Variants in MDGA2 observed in about 807,000 individuals in gnomAD.
The protein encoded by MDGA2 is MAM domain-containing glycosylphosphatidylinositol anchor protein 2.
In MDGA2, 40 loss-of-function variants were observed where a neutral mutation model predicts 117.8. The ratio of observed to expected loss-of-function variants is 0.34; its 90% CI spans 0.26 to 0.44. The LOEUF is 0.44. Ranked by LOEUF, MDGA2 falls within the 20% of genes least tolerant of loss-of-function variation. MDGA2 has a pLI of 1.00. For synonymous variants in MDGA2, 452 were observed against 439.0 expected (o/e 1.03, Z -0.37); for missense variants, 1,123 against 1,250.6 (o/e 0.90, Z 1.54).
intron 1 of MDGA2, among the ~76,000 whole-genome samples, chr14:47,615,848 C>G (rs925535879): frequency 6.6e-6 from 1 of 152,082 alleles, no homozygotes; most frequent in Middle Eastern, 3.2e-3. Context: ...CTGATACTGA[C>G]CCCAGAACTG....
At chr14:47,377,709 A>G (rs910736199) in intron 1 of MDGA2, among the ~76,000 whole-genome samples, 4 of 152,136 alleles carry the variant, frequency 2.6e-5, no homozygotes, top group African/African-American at 7.2e-5. Flanking sequence ...AAACAAAGCA[A>G]CCAGGAAGCT....
intron 10 of MDGA2, among the ~76,000 whole-genome samples, chr14:46,889,371 T>C (rs1008508160): frequency 6.6e-6 from 1 of 152,068 alleles, no homozygotes; most frequent in Non-Finnish European, 1.5e-5. Flanking sequence ...TTTTTAGATA[T>C]CCAGAAATTT....
chr14:47,012,810 T>C (rs1303282696), intron 8 of MDGA2, among the ~76,000 whole-genome samples: 1 of 152,042 alleles, frequency 6.6e-6, no homozygotes, highest in Non-Finnish European at 1.5e-5. Flanking sequence ...AATAAGCAAA[T>C]ATTGCAGAAG....
At chr14:47,367,108 T>C (rs1891248017) in intron 1 of MDGA2, among the ~76,000 whole-genome samples, 1 of 152,100 alleles carries the variant, frequency 6.6e-6, no homozygotes, top group Non-Finnish European at 1.5e-5. Context: ...GGCAGAGTAA[T>C]GCAAATATAA....
intron 4 of MDGA2, among the ~76,000 whole-genome samples, chr14:47,142,638 GATC>G (rs1421669890): frequency 6.6e-6 from 1 of 152,094 alleles, no homozygotes; most frequent in African/African-American, 2.4e-5. Context: ...TGTAATAGAT[GATC>G]ATTTATCTGG....
chr14:47,571,763 C>CGGGG (rs1566521355), intron 1 of MDGA2, among the ~76,000 whole-genome samples: 6 of 140,998 alleles, frequency 4.3e-5, no homozygotes, highest in South Asian at 2.4e-4. Context: ...GGGGGGCGGT[C>CGGGG]GGGGGATAGG....
At chr14:47,529,713 A>G (rs1232249347) in intron 1 of MDGA2, among the ~76,000 whole-genome samples, 1 of 152,218 alleles carries the variant, frequency 6.6e-6, no homozygotes, top group Non-Finnish European at 1.5e-5. Context: ...GAGAATGGTC[A>G]GCTAGAACTA....
chr14:46,882,527 ACTT>A (rs1337818651), intron 10 of MDGA2, among the ~76,000 whole-genome samples: 1 of 150,896 alleles, frequency 6.6e-6, no homozygotes, highest in Admixed American at 6.6e-5. Flanking sequence ...AAGTTTAGCT[ACTT>A]CTTGCTTAAC....
intron 10 of MDGA2, among the ~76,000 whole-genome samples, chr14:46,894,896 T>C (rs1352205663): frequency 6.6e-6 from 1 of 152,180 alleles, no homozygotes; most frequent in Admixed American, 6.5e-5. Context: ...TCTAATTATT[T>C]TCTTGTCATG....
intron 7 of MDGA2, among the ~76,000 whole-genome samples, chr14:47,039,817 T>C (rs1888996297): frequency 6.6e-6 from 1 of 152,148 alleles, no homozygotes; most frequent in South Asian, 2.1e-4. Flanking sequence ...ATAATGACTA[T>C]TATTCAGTGT....
At chr14:47,233,414 C>T (rs574843780) in intron 2 of MDGA2, among the ~76,000 whole-genome samples, 21 of 152,180 alleles carry the variant, frequency 1.4e-4, no homozygotes, top group African/African-American at 5.1e-4. Context: ...TCCTTACGCG[C>T]TTAGTTTTCA....
intron 1 of MDGA2, among the ~76,000 whole-genome samples, chr14:47,654,220 G>T (rs1044829034): frequency 4.6e-5 from 7 of 152,124 alleles, no homozygotes; most frequent in African/African-American, 1.7e-4. Flanking sequence ...CTACATGAAA[G>T]TAAGGGTGCA....
intron 1 of MDGA2, among the ~76,000 whole-genome samples, chr14:47,377,672 T>A (rs1417036015): frequency 2.6e-5 from 4 of 152,088 alleles, no homozygotes; most frequent in Admixed American, 2.6e-4. Context: ...GAGAGGGGCA[T>A]CTGTCATTGC....
Position 47,493,937 on chromosome 14 carries a change from G to A in MDGA2, c.280+180580C>T, listed in dbSNP as rs544776173. ...AAAATTTCATCTTGAATTATAACCC[G>A]AATTGTAATCGTCAAGTGTTGGAGG... On this transcript the variant is annotated intron_variant, in intron 1 of 16. Transcript: ENST00000399232. Among the ~76,000 whole-genome samples the A allele has an allele frequency of 7.2e-5, 11 of 152,178 alleles. No individual in the cohort carries two copies. The East Asian group carries it at 7.7e-4, about 11-fold the overall frequency.
At chr14:47,308,347 A>T (rs1383411246) in intron 1 of MDGA2, among the ~76,000 whole-genome samples, 2 of 152,196 alleles carry the variant, frequency 1.3e-5, no homozygotes, top group African/African-American at 2.4e-5. Flanking sequence ...TACTTTAATC[A>T]TAAGAAACAA....
At chr14:47,198,580 A>T (rs1426843538) in intron 3 of MDGA2, among the ~76,000 whole-genome samples, 5 of 152,218 alleles carry the variant, frequency 3.3e-5, no homozygotes, top group Admixed American at 3.3e-4. Context: ...TCAAAAAAAA[A>T]AATTGATAAA....
chr14:46,956,184 T>C (rs1885556046), intron 9 of MDGA2, among the ~76,000 whole-genome samples: 1 of 152,146 alleles, frequency 6.6e-6, no homozygotes, highest in Non-Finnish European at 1.5e-5. Flanking sequence ...TGGAACATTT[T>C]AATCATTTTT....
intron 1 of MDGA2, among the ~76,000 whole-genome samples, chr14:47,548,384 AT>A (rs1385618731): frequency 2.6e-5 from 4 of 151,984 alleles, no homozygotes; most frequent in Non-Finnish European, 4.4e-5. Flanking sequence ...AAACGGGACA[AT>A]TTAAGAAACA....
intron 1 of MDGA2, among the ~76,000 whole-genome samples, chr14:47,352,854 T>C (rs1347054145): frequency 6.6e-6 from 1 of 152,230 alleles, no homozygotes; most frequent in Non-Finnish European, 1.5e-5. Context: ...GAAATGTTGA[T>C]GGCTGTTGTG....
Sources: allele counts gnomAD v4.1 joint callset (sites outside exome capture counted in the v4.1 genomes callset), GRCh38; gene constraint gnomAD v4.1.1; transcripts MANE v1.5; gene names NCBI Gene and HGNC (gene_info 2026-07-23, HGNC 2026-07-21).